Variants in CCDC91 observed in about 807,000 individuals in gnomAD.
CCDC91 encodes coiled-coil domain containing 91, also known as coiled-coil domain-containing protein 91.
CCDC91 carries 48 observed loss-of-function variants against 63.2 expected under a neutral mutation model. That is an observed-to-expected ratio of 0.76 (90% CI 0.60 to 0.97). The LOEUF is 0.97. Among genes scored for constraint, CCDC91 ranks in the 50% least tolerant of loss-of-function variants. CCDC91 has a pLI of 0.00. For synonymous variants in CCDC91, 167 were observed against 165.8 expected (o/e 1.01, Z -0.06); for missense variants, 500 against 494.6 (o/e 1.01, Z -0.10).
chr12:28,296,590 A>G (rs1949577473), intron 3 of CCDC91, among the ~76,000 whole-genome samples: 2 of 152,016 alleles, frequency 1.3e-5, no homozygotes, highest in African/African-American at 4.8e-5. Context: ...TGTCTTAGAT[A>G]CATCCTAAAA....
At chr12:28,516,878 C>T (rs1940007645) in intron 12 of CCDC91, among the ~76,000 whole-genome samples, 1 of 151,866 alleles carries the variant, frequency 6.6e-6, no homozygotes, top group Admixed American at 6.6e-5. Context: ...AAGTTCTCAC[C>T]TCTAAATACT....
chr12:28,370,453 C>T (rs1944546422), intron 7 of CCDC91, among the ~76,000 whole-genome samples: 2 of 152,182 alleles, frequency 1.3e-5, no homozygotes, highest in African/African-American at 4.8e-5. Flanking sequence ...TCAGCGTGGG[C>T]TTCATTGTCC....
chr12:28,370,141 TC>T (rs1425267769), intron 7 of CCDC91, among the ~76,000 whole-genome samples: 1 of 152,250 alleles, frequency 6.6e-6, no homozygotes, highest in African/African-American at 2.4e-5. Context: ...TATTGCATGT[TC>T]AGTCAGTCTG....
intron 7 of CCDC91, among the ~76,000 whole-genome samples, chr12:28,376,099 C>T (rs1351741836): frequency 6.6e-6 from 1 of 151,750 alleles, no homozygotes. Flanking sequence ...AGGGGCTAGA[C>T]ATTTGTCGAG....
intron 7 of CCDC91, among the ~76,000 whole-genome samples, chr12:28,370,583 C>T (rs148879764): frequency 3.9e-4 from 59 of 152,310 alleles, no homozygotes; most frequent in African/African-American, 1.3e-3. Flanking sequence ...CATCTTTTAC[C>T]CAGTTCCCAA....
At chr12:28,463,822 G>A (rs1467716581) in intron 11 of CCDC91, among the ~76,000 whole-genome samples, 1 of 152,084 alleles carries the variant, frequency 6.6e-6, no homozygotes, top group Non-Finnish European at 1.5e-5. Flanking sequence ...TAGCAAGATG[G>A]TGGAATAGAA....
At chr12:28,227,501 CT>C (rs1404641199) in intron 1 of CCDC91, among the ~76,000 whole-genome samples, 1 of 151,910 alleles carries the variant, frequency 6.6e-6, no homozygotes, top group Non-Finnish European at 1.5e-5. Flanking sequence ...TTTGGTCTTT[CT>C]TTTATTGAAA....
chr12:28,308,092 C>G (rs1938933738), intron 6 of CCDC91, among the ~76,000 whole-genome samples: 1 of 151,926 alleles, frequency 6.6e-6, no homozygotes, highest in Non-Finnish European at 1.5e-5. Flanking sequence ...AGACACTTAA[C>G]TTTTTTAAAT....
At chr12:28,211,377 A>G (rs193176167) in intron 1 of CCDC91, among the ~76,000 whole-genome samples, 1 of 152,240 alleles carries the variant, frequency 6.6e-6, no homozygotes, top group Non-Finnish European at 1.5e-5. Flanking sequence ...CATTCTGGCC[A>G]GTGCAAAATA....
chr12:28,209,405 ATTTC>A (rs1313849949), intron 1 of CCDC91, among the ~76,000 whole-genome samples: 1 of 152,194 alleles, frequency 6.6e-6, no homozygotes, highest in Non-Finnish European at 1.5e-5. Flanking sequence ...CACACACAGA[ATTTC>A]TTTAATAACG....
Position 28,475,180 on chromosome 12 carries a change from C to G in CCDC91, c.1102-8872C>G, listed in dbSNP as rs116288694. On this transcript the variant is annotated intron_variant, in intron 11 of 12. Coordinates refer to ENST00000536442, the MANE Select transcript of CCDC91 (RefSeq NM_018318.5). ...TTATTCAAGAGAATACAAGTATTGA[C>G]TCATTTTTATCTGACTTGGAAGTCA... is the stretch of plus-strand genomic sequence containing the variant. Among the ~76,000 whole-genome samples, 1,202 of 152,122 alleles carry G rather than the reference C, an allele frequency of 7.9e-3. 19 individuals carry two copies. Among genetic ancestry groups the G allele is most frequent in the African/African-American group, 0.028 (1,166 of 41,542 alleles).
rs1195197485 is a variant in CCDC91 at position 28,491,829 on chromosome 12, T to C, written c.1215+7664T>C. Among the ~76,000 whole-genome samples the C allele has an allele frequency of 1.3e-4, 20 of 151,392 alleles. No individual in the cohort carries two copies. The Admixed American group carries it at 1.3e-3, about 10-fold the overall frequency. On this transcript the variant is annotated intron_variant, in intron 12 of 12. Coordinates refer to ENST00000536442, the MANE Select transcript of CCDC91 (RefSeq NM_018318.5). ...ATTTTTTTGGCTTATTATATTGATA[T>C]GCCCTTCAGCCATCCTTAGAAGTCA... is the stretch of plus-strand genomic sequence containing the variant.
intron 3 of CCDC91, among the ~76,000 whole-genome samples, chr12:28,288,650 C>T (rs538857989): frequency 7.2e-5 from 11 of 152,086 alleles, no homozygotes; most frequent in African/African-American, 1.7e-4. Flanking sequence ...AATTATTTTT[C>T]GTTGTATATC....
chr12:28,458,771 A>C (rs1165129307), intron 11 of CCDC91, among the ~76,000 whole-genome samples: 1 of 152,036 alleles, frequency 6.6e-6, no homozygotes, highest in Non-Finnish European at 1.5e-5. Flanking sequence ...TACCTGAAAA[A>C]TAATCCTTAA....
chr12:28,207,041 A>T (rs993436724), intron 1 of CCDC91, among the ~76,000 whole-genome samples: 11 of 152,234 alleles, frequency 7.2e-5, no homozygotes, highest in African/African-American at 2.4e-4. Context: ...AAAGTGTAAG[A>T]TTATCCATGT....
At chr12:28,400,354 AC>A (rs1946545220) in intron 8 of CCDC91, among the ~76,000 whole-genome samples, 1 of 45,576 alleles carries the variant, frequency 2.2e-5, no homozygotes, top group Non-Finnish European at 4.8e-5. Flanking sequence ...CCCCACCCCC[AC>A]CCCCACCCTA....
intron 3 of CCDC91, among the ~76,000 whole-genome samples, chr12:28,298,246 A>T (rs1949671679): frequency 6.6e-6 from 1 of 151,746 alleles, no homozygotes; most frequent in Non-Finnish European, 1.5e-5. Context: ...AGTGCCTATG[A>T]ATTGTAAGCA....
chr12:28,230,854 G>A (rs562600875), intron 1 of CCDC91, among the ~76,000 whole-genome samples: 1 of 152,066 alleles, frequency 6.6e-6, no homozygotes, highest in Non-Finnish European at 1.5e-5. Flanking sequence ...CGAACTCCTG[G>A]ACTCAAGTGA....
At chr12:28,494,175 A>G (rs1208418029) in intron 12 of CCDC91, among the ~76,000 whole-genome samples, 1 of 151,698 alleles carries the variant, frequency 6.6e-6, no homozygotes, top group African/African-American at 2.4e-5. Context: ...TCCACATAGC[A>G]TCTCAGTAAA....
Sources: allele counts gnomAD v4.1 joint callset (sites outside exome capture counted in the v4.1 genomes callset), GRCh38; gene constraint gnomAD v4.1.1; transcripts MANE v1.5; gene names NCBI Gene and HGNC (gene_info 2026-07-23, HGNC 2026-07-21).